The following CA8 variants were observed in gnomAD, a reference collection of about 807,000 sequenced individuals.
CA8 encodes carbonic anhydrase-related protein.
CA8 carries 22 observed loss-of-function variants against 41.4 expected under a neutral mutation model. The observed-to-expected ratio is 0.53, with a 90% CI of 0.38 to 0.76. CA8 has a LOEUF of 0.76. CA8 is among the 30% of genes least tolerant of loss of function. The pLI, the probability that CA8 is intolerant of heterozygous loss-of-function variation, is 0.00. For synonymous variants in CA8, 121 were observed against 130.6 expected (o/e 0.93, Z 0.50); for missense variants, 270 against 352.8 (o/e 0.77, Z 1.88).
intron 7 of CA8, among the ~76,000 whole-genome samples, chr8:60,215,978 T>C (rs1190269375): frequency 2.0e-5 from 3 of 152,230 alleles, no homozygotes; most frequent in Admixed American, 6.5e-5. Context: ...ATAAACCTTA[T>C]GGTATAGAAG....
chr8:60,238,561 G>A (rs1807911723), intron 3 of CA8, among the ~76,000 whole-genome samples: 1 of 152,058 alleles, frequency 6.6e-6, no homozygotes, highest in African/African-American at 2.4e-5. Context: ...CCGCTTGCCA[G>A]GCTTGAGACC....
chr8:60,216,275 A>G (rs1365924136), intron 7 of CA8, among the ~76,000 whole-genome samples: 4 of 152,228 alleles, frequency 2.6e-5, no homozygotes, highest in South Asian at 2.1e-4. Context: ...ATTCAAGGAC[A>G]GACTGACTTA....
chr8:60,194,377 C>T (rs749307149), intron 8 of CA8, among the ~76,000 whole-genome samples: 13 of 152,128 alleles, frequency 8.5e-5, no homozygotes, highest in Admixed American at 1.3e-4. Context: ...TGGATAAGCC[C>T]GTTGGTCCAC....
chr8:60,267,259 C>T (rs1803931632), intron 2 of CA8, among the ~76,000 whole-genome samples: 1 of 152,138 alleles, frequency 6.6e-6, no homozygotes, highest in African/African-American at 2.4e-5. Context: ...AAGAAAGAGG[C>T]AGAAAATAGA....
intron 2 of CA8, among the ~76,000 whole-genome samples, chr8:60,276,291 C>G (rs112715618): frequency 0.024 from 3,629 of 152,054 alleles, 127 homozygotes; most frequent in African/African-American, 0.081. Context: ...CAAGGAGCTG[C>G]GAGAAGAGGC....
intron 2 of CA8, 46 bp from the exon 3 acceptor site, chr8:60,266,095 T>A: frequency 6.3e-7 from 1 of 1,585,572 alleles, no homozygotes; most frequent in South Asian, 1.1e-5. Flanking sequence ...CACATTTACC[T>A]CAGCATTATA....
At chr8:60,222,076 G>C (rs1323889213) in intron 7 of CA8, among the ~76,000 whole-genome samples, 1 of 152,154 alleles carries the variant, frequency 6.6e-6, no homozygotes, top group Admixed American at 6.5e-5. Context: ...GCTGCCTCAT[G>C]TTCCACCAGC....
intron 3 of CA8, among the ~76,000 whole-genome samples, chr8:60,242,250 A>G (rs1043081094): frequency 1.3e-5 from 2 of 152,242 alleles, no homozygotes; most frequent in African/African-American, 4.8e-5. Flanking sequence ...TTCTGCCAAG[A>G]ACTGTTCTTT....
chr8:60,234,492 G>C (rs992415397), intron 3 of CA8, among the ~76,000 whole-genome samples: 4 of 152,130 alleles, frequency 2.6e-5, no homozygotes, highest in African/African-American at 9.7e-5. Context: ...ACTGGGTTTG[G>C]GGTATATGGG....
intron 3 of CA8, among the ~76,000 whole-genome samples, chr8:60,245,056 T>A (rs1181452476): frequency 2.0e-5 from 3 of 152,214 alleles, no homozygotes; most frequent in Non-Finnish European, 4.4e-5. Context: ...ATATGGCATG[T>A]GTCTGGCAAA....
At chr8:60,214,291 CTG>C (rs1806942049) in intron 7 of CA8, among the ~76,000 whole-genome samples, 1 of 152,184 alleles carries the variant, frequency 6.6e-6, no homozygotes, top group Non-Finnish European at 1.5e-5. Flanking sequence ...CAAGAAAATG[CTG>C]TGTGAAGCCT....
chr8:60,259,212 T>C (rs1364799541), intron 3 of CA8, among the ~76,000 whole-genome samples: 2 of 152,220 alleles, frequency 1.3e-5, no homozygotes, highest in African/African-American at 4.8e-5. Flanking sequence ...AGAGGCTATT[T>C]ATTATCTGAA....
At chr8:60,224,692 C>A in intron 5 of CA8, 107 bp from the exon 6 acceptor site, 1 of 725,084 alleles carries the variant, frequency 1.4e-6, no homozygotes, top group South Asian at 1.5e-5. Flanking sequence ...TTCTGAATGG[C>A]CTCATCAGGT....
chr8:60,207,025 C>T (rs767089249), intron 8 of CA8, among the ~76,000 whole-genome samples: 3 of 152,128 alleles, frequency 2.0e-5, no homozygotes, highest in East Asian at 3.9e-4. Flanking sequence ...AAGGTGGCTG[C>T]GACCTGGAGT....
In CA8 at chr8:60,281,347, C is replaced by T. The variant is rs917437861; in HGVS notation, c.-200G>A. ...GTTCGGACCGAGTGTTCCAGAGACC[C>T]GCGTGGGAAGCGCGTCCGGAGGCCC... On this transcript the variant is annotated 5_prime_UTR_variant, in exon 1 of 9. Transcript: ENST00000317995. 3.5e-6 allele frequency: 2 copies of T among 577,648 alleles called. No homozygotes were observed. Among genetic ancestry groups the T allele is most frequent in the Admixed American group, 3.0e-5 (1 of 33,716 alleles). 35.8% of individuals were successfully genotyped at this position (577,648 alleles called of 1,614,324 possible). A position where few individuals can be genotyped will look rare whatever the true frequency, so the allele number is the denominator to read the frequency against.
chr8:60,232,643 C>T, intron 3 of CA8: 1 of 493,326 alleles, frequency 2.0e-6, no homozygotes, highest in Non-Finnish European at 3.7e-6. Flanking sequence ...TGGAGGGACT[C>T]ACAGACTTCA....
chr8:60,239,773 C>G (rs904844318), intron 3 of CA8, among the ~76,000 whole-genome samples: 15 of 152,128 alleles, frequency 9.9e-5, no homozygotes, highest in Admixed American at 5.9e-4. Flanking sequence ...GCAGTTCCCC[C>G]CATACTGTCC....
At chr8:60,223,156 A>G (rs1286204547) in intron 6 of CA8, among the ~76,000 whole-genome samples, 1 of 152,246 alleles carries the variant, frequency 6.6e-6, no homozygotes, top group Non-Finnish European at 1.5e-5. Context: ...CCAGTGAGAT[A>G]GGTAGTAATA....
At chr8:60,192,414 T>C (rs1806156103) in intron 8 of CA8, among the ~76,000 whole-genome samples, 1 of 152,136 alleles carries the variant, frequency 6.6e-6, no homozygotes, top group African/African-American at 2.4e-5. Context: ...TAAGTAATAA[T>C]TTTGGTTGAT....
Sources: allele counts gnomAD v4.1 joint callset (sites outside exome capture counted in the v4.1 genomes callset), GRCh38; gene constraint gnomAD v4.1.1; transcripts MANE v1.5; gene names NCBI Gene and HGNC (gene_info 2026-07-23, HGNC 2026-07-21).